Variants in CMIP observed in about 807,000 individuals in gnomAD.
CMIP encodes C-Maf-inducing protein.
Under a neutral mutation model 97.3 loss-of-function variants are expected in CMIP, and 13 were observed. The ratio of observed to expected loss-of-function variants is 0.13; its 90% CI spans 0.09 to 0.21. CMIP has a LOEUF of 0.21. CMIP is among the 10% of genes least tolerant of loss of function. CMIP has a pLI of 1.00. For missense variants in CMIP, 847 were observed against 1,024.9 expected (o/e 0.83, Z 2.37); for synonymous variants, 538 against 436.3 (o/e 1.23, Z -2.91).
At chr16:81,670,480 ACTCTGTC>A (rs1318673081) in intron 8 of CMIP, among the ~76,000 whole-genome samples, 1 of 151,646 alleles carries the variant, frequency 6.6e-6, no homozygotes, top group Non-Finnish European at 1.5e-5. Context: ...CATGTTTAGG[ACTCTGTC>A]CCACCCCTGG....
In CMIP at chr16:81,453,428, G is replaced by A. The variant is rs1195541800; in HGVS notation, c.300+7887G>A. Among the ~76,000 whole-genome samples the A allele has an allele frequency of 6.6e-6, 1 of 152,186 alleles. No individual in the cohort carries two copies. Among genetic ancestry groups the A allele is most frequent in the Non-Finnish European group, 1.5e-5 (1 of 68,034 alleles). On this transcript the variant is annotated intron_variant, in intron 1 of 20. Transcript: ENST00000537098. This position sits in a 1 kb window ranked among gnomAD's most constrained non-coding sequence, Gnocchi z 4.0. The stretch of plus-strand genomic sequence containing the variant: ...TCATATGGAGAAGGAAGATCACACC[G>A]GGACTGCTGCTAGCTTCTCTGGGTG...
rs576796391 is a variant in CMIP at position 81,650,472 on chromosome 16, A to G, written c.478-1731A>G. Among the ~76,000 whole-genome samples, 20 of 151,908 alleles carry G rather than the reference A, an allele frequency of 1.3e-4. No homozygotes were observed. In the South Asian group the frequency reaches 4.2e-3, roughly 32 times the overall value. On this transcript the variant is annotated intron_variant, in intron 3 of 20. Coordinates refer to ENST00000537098, the MANE Select transcript of CMIP (RefSeq NM_198390.3). ...GGAGAAGGGAGAGATGACGGGAAAG[A>G]CTTGGGGTGATGGGCGGGGGGAATG... is the stretch of plus-strand genomic sequence containing the variant.
rs992641573 is a variant in CMIP at position 81,564,030 on chromosome 16, A to G, written c.301-43537A>G. Among the ~76,000 whole-genome samples the G allele has an allele frequency of 4.6e-5, 7 of 152,346 alleles. No homozygotes were observed. The South Asian group carries it at 1.2e-3, about 27-fold the overall frequency. ...GGGCCAGTAGGCCAGCCATTCTCCC[A>G]TTTCGTCCTCTCCTTCTACCTAGCA... On this transcript the variant is annotated intron_variant, in intron 1 of 20. Transcript: ENST00000537098.
intron 2 of CMIP, 77 bp downstream of exon 2, chr16:81,607,769 G>A (rs1567607565): frequency 2.0e-6 from 3 of 1,472,756 alleles, no homozygotes; most frequent in South Asian, 1.2e-5. Context: ...TCCCTTGGAG[G>A]GAGCCAGCAG....
chr16:81,445,916 G>C (rs1905806997), intron 1 of CMIP, among the ~76,000 whole-genome samples: 1 of 151,556 alleles, frequency 6.6e-6, no homozygotes, highest in Non-Finnish European at 1.5e-5. Flanking sequence ...TGGCCCATCT[G>C]GATCTGAGGG....
chr16:81,543,599 T>A (rs2090489508), intron 1 of CMIP, among the ~76,000 whole-genome samples: 1 of 152,224 alleles, frequency 6.6e-6, no homozygotes, highest in African/African-American at 2.4e-5. Flanking sequence ...TCCTGGCTTT[T>A]ATCTATGACC....
chr16:81,578,296 TTAAC>T (rs1175745211), intron 1 of CMIP, among the ~76,000 whole-genome samples: 1 of 152,202 alleles, frequency 6.6e-6, no homozygotes, highest in Admixed American at 6.5e-5. Flanking sequence ...TCGTCATCAT[TTAAC>T]TAAAAGTGAG....
intron 1 of CMIP, among the ~76,000 whole-genome samples, chr16:81,507,133 G>A (rs1330869429): frequency 4.7e-5 from 7 of 150,496 alleles, no homozygotes; most frequent in African/African-American, 1.5e-4. Context: ...GCGGGCGCCT[G>A]TAGTCCCAGC....
At chr16:81,510,108 C>G (rs143371546) in intron 1 of CMIP, among the ~76,000 whole-genome samples, 334 of 152,296 alleles carry the variant, frequency 2.2e-3, no homozygotes, top group African/African-American at 7.7e-3. Flanking sequence ...TTGGCTGTGA[C>G]TTTGTCTCTT....
intron 1 of CMIP, among the ~76,000 whole-genome samples, chr16:81,497,498 G>C (rs17777143): frequency 0.38 from 57,988 of 152,018 alleles, 11,259 homozygotes; most frequent in East Asian, 0.48. Flanking sequence ...AGGGTCTCTG[G>C]AAGCAAGGCG....
chr16:81,563,073 G>C (rs940472674), intron 1 of CMIP, among the ~76,000 whole-genome samples: 2 of 152,244 alleles, frequency 1.3e-5, no homozygotes, highest in African/African-American at 4.8e-5. Context: ...TGACCCGCCA[G>C]AGGAAAAACC....
chr16:81,553,292 A>T (rs1176832196), intron 1 of CMIP, among the ~76,000 whole-genome samples: 1 of 152,142 alleles, frequency 6.6e-6, no homozygotes, highest in Non-Finnish European at 1.5e-5. Context: ...GGAGCAGGCC[A>T]TGCCCCCAGG....
chr16:81,498,042 A>G (rs924129611), intron 1 of CMIP, among the ~76,000 whole-genome samples: 1 of 152,136 alleles, frequency 6.6e-6, no homozygotes, highest in East Asian at 1.9e-4. Flanking sequence ...TCATTCATGC[A>G]TGCATGTGTT....
chr16:81,693,256 G>A (rs1049240353), intron 12 of CMIP, 72 bp downstream of exon 12: 1 of 1,482,988 alleles, frequency 6.7e-7, no homozygotes, highest in South Asian at 1.2e-5. Context: ...TCCCTCCGTG[G>A]CCCATGCATT....
At chr16:81,451,209 G>A (rs1006887847) in intron 1 of CMIP, among the ~76,000 whole-genome samples, 3 of 152,148 alleles carry the variant, frequency 2.0e-5, no homozygotes, top group African/African-American at 7.2e-5. Context: ...ATTGACTCAT[G>A]GGGCGCTTTC....
intron 1 of CMIP, among the ~76,000 whole-genome samples, chr16:81,506,990 C>T (rs62046582): frequency 0.19 from 29,521 of 151,518 alleles, 4,174 homozygotes; most frequent in East Asian, 0.4. Context: ...CAGTGGCTCA[C>T]GCCTGTAATC....
chr16:81,537,546 C>CAAAAAAAAAAAAAAA (rs397695977), intron 1 of CMIP, among the ~76,000 whole-genome samples: 8 of 82,068 alleles, frequency 9.7e-5, no homozygotes, highest in Non-Finnish European at 1.6e-4. Context: ...AAAAAAAAGA[C>CAAAAAAAAAAAAAAA]AAAAAAAAAA....
chr16:81,623,625 A>C (rs2092021218), intron 3 of CMIP, among the ~76,000 whole-genome samples: 1 of 152,124 alleles, frequency 6.6e-6, no homozygotes, highest in Non-Finnish European at 1.5e-5. Context: ...GGCTCTTTGT[A>C]CCCAGTTTTG....
At chr16:81,596,234 G>A (rs900667159) in intron 1 of CMIP, among the ~76,000 whole-genome samples, 8 of 152,084 alleles carry the variant, frequency 5.3e-5, no homozygotes, top group Non-Finnish European at 1.0e-4. Context: ...GGCCAGGCAT[G>A]GTGGCTCACG....
Sources: allele counts gnomAD v4.1 joint callset (sites outside exome capture counted in the v4.1 genomes callset), GRCh38; gene constraint gnomAD v4.1.1; non-coding constraint Gnocchi (gnomAD v3.1); transcripts MANE v1.5; gene names NCBI Gene and HGNC (gene_info 2026-07-23, HGNC 2026-07-21).